Variants in MAP4 observed in about 807,000 individuals in gnomAD.
MAP4 encodes the protein microtubule associated protein 4.
A neutral mutation model predicts 170.2 loss-of-function variants in MAP4; 76 were observed. The ratio of observed to expected loss-of-function variants is 0.45; its 90% CI spans 0.37 to 0.54. The LOEUF (loss-of-function observed/expected upper bound fraction) is 0.54. MAP4 is among the 20% of genes least tolerant of loss of function. The pLI is 0.00. For missense variants in MAP4, 2,506 were observed against 2,748.0 expected (o/e 0.91, Z 1.97); for synonymous variants, 909 against 994.5 (o/e 0.91, Z 1.62).
At chr3:47,861,331 G>A (rs1260467136) in intron 17 of MAP4, among the ~76,000 whole-genome samples, 1 of 151,850 alleles carries the variant, frequency 6.6e-6, no homozygotes, top group Non-Finnish European at 1.5e-5. Flanking sequence ...ACTCCACCCT[G>A]GGTGACAAAA....
chr3:47,881,542 A>C (rs1456206103), intron 10 of MAP4, among the ~76,000 whole-genome samples: 1 of 139,224 alleles, frequency 7.2e-6, no homozygotes, highest in Non-Finnish European at 1.5e-5. Context: ...AAAATTGTTA[A>C]CATGATATAT....
At chr3:48,066,822 CTTTTTTTTTTTTTTTTTTTTTTTTTTTT>C (rs55939839) in intron 1 of MAP4, among the ~76,000 whole-genome samples, 3 of 65,770 alleles carry the variant, frequency 4.6e-5, no homozygotes, top group Non-Finnish European at 7.9e-5. Context: ...TCTCTAATTC[CTTTTTTTTTTTTTTTTTTTTTTTTTTTT>C]TTTTTTTTGA....
rs2100035655 is a variant in MAP4, at chr3:47,910,909, C to A, written c.3512G>T (p.Gly1171Val). The change falls in exon 9 of 21, where the codon GGT becomes GTT. Residue 1171 changes from glycine to valine, a missense_variant. Physicochemically the swap from Gly to Val is moderately radical, Grantham distance 109. Coordinates refer to ENST00000683076, the MANE Select transcript of MAP4 (RefSeq NM_001385682.1). ...ESGSGMTQTS[G>V]VSTETGDVVK... The stretch of plus-strand genomic sequence containing the variant: ...TACATCTCCTGTTTCTGTGCTAACA[C>A]CAGAAGTCTGAGTCATGCCTGATCC... 1.3e-6 allele frequency: 2 copies of A among 1,536,128 alleles called. No individual in the cohort carries two copies.
intron 11 of MAP4, 60 bp downstream of exon 11, chr3:47,877,357 C>A: frequency 8.0e-7 from 1 of 1,255,996 alleles, no homozygotes; most frequent in Non-Finnish European, 1.2e-6. Context: ...GCAATAACAG[C>A]AGAAGATACT....
In MAP4 at chr3:47,871,151, GA is replaced by G. The variant is rs774554456; in HGVS notation, c.6002-47del. On this transcript the variant is annotated intron_variant, in intron 14 of 20. Transcript: ENST00000683076. ...GATAACACGGGTTCAGGGAGAGAGA[GA>G]AAAAGGGAGACTTAAGCCACAGAGG... 5 of 1,611,312 alleles carry G rather than the reference GA, an allele frequency of 3.1e-6. No homozygotes were observed. The South Asian group carries it at 5.5e-5, about 18-fold the overall frequency.
chr3:48,016,838 A>G (rs956330853), upstream of MAP4, among the ~76,000 whole-genome samples: 1 of 150,676 alleles, frequency 6.6e-6, no homozygotes, highest in African/African-American at 2.4e-5. Flanking sequence ...ATGCAGTGGC[A>G]TGATCTCAGC....
At position 47,897,952 on chromosome 3, in the gene MAP4, A is replaced by AGGGG. The variant is rs1559960134; in HGVS notation, c.5434+4997_5434+4998insCCCC. On this transcript the variant is annotated intron_variant, in intron 10 of 20. Transcript: ENST00000683076. ...GTGAGACTCCATATCGGGGGGGGGAAAAAAAAAAAAGAAAGAATGGTCCTG... is the reference window on the plus strand; with the variant it reads ...GTGAGACTCCATATCGGGGGGGGGAAGGGGAAAAAAAAAAGAAAGAATGGTCCTG... Among the ~76,000 whole-genome samples, 127 of 139,326 alleles carry AGGGG rather than the reference A, an allele frequency of 9.1e-4. 1 individual carries two copies. Among genetic ancestry groups the AGGGG allele is most frequent in the African/African-American group, 3.3e-3 (119 of 36,000 alleles). 91.4% of individuals were successfully genotyped at this position (139,326 alleles called of 152,430 possible). A position where few individuals can be genotyped will look rare whatever the true frequency, so the allele number is the denominator to read the frequency against.
chr3:47,880,819 G>A (rs747113678), intron 10 of MAP4, among the ~76,000 whole-genome samples: 8 of 152,034 alleles, frequency 5.3e-5, no homozygotes, highest in Non-Finnish European at 1.0e-4. Context: ...GATCCATCTT[G>A]GTGAGTGTTT....
chr3:47,900,334 C>G (rs2100029331), intron 10 of MAP4, among the ~76,000 whole-genome samples: 1 of 152,004 alleles, frequency 6.6e-6, no homozygotes, highest in Non-Finnish European at 1.5e-5. Flanking sequence ...GAAAATAAAT[C>G]ATGATTCTCC....
chr3:47,855,175 G>C lies in MAP4; in HGVS notation c.6696+73C>G. On this transcript the variant is annotated intron_variant, in intron 19 of 20. Coordinates refer to ENST00000683076, the MANE Select transcript of MAP4 (RefSeq NM_001385682.1). This position sits in a 1 kb window ranked among gnomAD's most constrained non-coding sequence, Gnocchi z 5.1. ...GAGGGGCGGTGACAGGTGCCTACCT[G>C]TGAGGACCCTGACCCTAACTGCATA... 1 of 1,032,424 alleles carries C rather than the reference G, an allele frequency of 9.7e-7. No homozygotes were observed. Among genetic ancestry groups the C allele is most frequent in the Non-Finnish European group, 1.5e-6 (1 of 656,584 alleles). 64.0% of individuals were successfully genotyped at this position (1,032,424 alleles called of 1,614,324 possible). A position where few individuals can be genotyped will look rare whatever the true frequency, so the allele number is the denominator to read the frequency against.
intron 1 of MAP4, among the ~76,000 whole-genome samples, chr3:48,073,502 T>C (rs961196872): frequency 2.6e-5 from 4 of 151,514 alleles, no homozygotes; most frequent in African/African-American, 9.7e-5. Context: ...TCACAGCTAC[T>C]TGGGAGGCTG....
intron 3 of MAP4, among the ~76,000 whole-genome samples, chr3:47,935,254 T>A (rs2100052064): frequency 6.6e-6 from 1 of 151,974 alleles, no homozygotes. Flanking sequence ...TAATTGAATC[T>A]AGGAAGATAG....
chr3:47,875,967 T>A, intron 11 of MAP4, 67 bp from the exon 12 acceptor site: 2 of 1,164,532 alleles, frequency 1.7e-6, no homozygotes, highest in African/African-American at 1.6e-5. Context: ...CAGACAAGAA[T>A]AAAAACAAAT....
intron 3 of MAP4, among the ~76,000 whole-genome samples, chr3:47,938,058 TCTTA>T (rs1577971430): frequency 6.6e-6 from 1 of 151,842 alleles, no homozygotes; most frequent in African/African-American, 2.4e-5. Context: ...ATATTTGAGT[TCTTA>T]CTTTTATTTT....
At chr3:48,087,485 C>G (rs1351556001) in intron 1 of MAP4, among the ~76,000 whole-genome samples, 3 of 152,056 alleles carry the variant, frequency 2.0e-5, no homozygotes, top group Non-Finnish European at 4.4e-5. Flanking sequence ...CAGCTGTATT[C>G]CCTCACCACA....
chr3:47,967,657 T>TAATAA (rs1162714754), intron 3 of MAP4, among the ~76,000 whole-genome samples: 2 of 151,334 alleles, frequency 1.3e-5, no homozygotes, highest in African/African-American at 2.4e-5. Context: ...TTCTCAAAAA[T>TAATAA]AATAAAATAA....
intron 1 of MAP4, among the ~76,000 whole-genome samples, chr3:48,025,961 T>A (rs1473811574): frequency 2.1e-5 from 3 of 140,844 alleles, no homozygotes; most frequent in African/African-American, 7.7e-5. Flanking sequence ...TATGCTGACT[T>A]AGAGGCTCCT....
At chr3:47,948,195 C>T (rs1040132275) in intron 3 of MAP4, among the ~76,000 whole-genome samples, 3 of 149,166 alleles carry the variant, frequency 2.0e-5, no homozygotes, top group Admixed American at 6.7e-5. Context: ...GATGGGATTT[C>T]GCCATGTTGG....
intron 18 of MAP4, among the ~76,000 whole-genome samples, chr3:47,856,082 A>T (rs1279927749): frequency 1.3e-5 from 2 of 152,146 alleles, no homozygotes; most frequent in African/African-American, 2.4e-5. Context: ...CACTGGCCAG[A>T]GTGTGCCCAT....
Sources: allele counts gnomAD v4.1 joint callset (sites outside exome capture counted in the v4.1 genomes callset), GRCh38; gene constraint gnomAD v4.1.1; non-coding constraint Gnocchi (gnomAD v3.1); transcripts MANE v1.5; gene names NCBI Gene and HGNC (gene_info 2026-07-23, HGNC 2026-07-21).